The following NRXN1 variants were observed in gnomAD, a reference collection of about 807,000 sequenced individuals.
NRXN1 encodes neurexin-1.
A neutral mutation model predicts 150.9 loss-of-function variants in NRXN1; 39 were observed. The ratio of observed to expected loss-of-function variants is 0.26; its 90% CI spans 0.20 to 0.34. The LOEUF (loss-of-function observed/expected upper bound fraction) is 0.34, where lower values mean the gene tolerates loss of function less well. Among genes scored for constraint, NRXN1 ranks in the 10% least tolerant of loss-of-function variants. NRXN1 has a pLI of 1.00. For synonymous variants in NRXN1, 924 were observed against 757.0 expected (o/e 1.22, Z -3.62); for missense variants, 1,815 against 1,949.9 (o/e 0.93, Z 1.30).
chr2:50,872,437 T>C (rs576896592), intron 5 of NRXN1, among the ~76,000 whole-genome samples: 94 of 151,494 alleles, frequency 6.2e-4, no homozygotes, highest in Non-Finnish European at 1.1e-3. Context: ...GAGCGAGTAG[T>C]GATATTGGGT....
chr2:50,935,263 AAT>A (rs1297299586), intron 2 of NRXN1, among the ~76,000 whole-genome samples: 1 of 152,176 alleles, frequency 6.6e-6, no homozygotes, highest in Non-Finnish European at 1.5e-5. Context: ...GAGCAAATAA[AAT>A]AGTCAACATT....
chr2:50,607,368 G>T (rs574254291), intron 8 of NRXN1, among the ~76,000 whole-genome samples: 3 of 152,180 alleles, frequency 2.0e-5, no homozygotes, highest in South Asian at 2.1e-4. Context: ...GAGAGGTGCC[G>T]TACTTCATGG....
chr2:50,150,319 C>G (rs557620481), intron 18 of NRXN1, among the ~76,000 whole-genome samples: 2 of 151,890 alleles, frequency 1.3e-5, no homozygotes, highest in Admixed American at 6.6e-5. Flanking sequence ...CCAGCACTTG[C>G]AATGAACACT....
At chr2:50,716,602 A>C (rs2105085501) in intron 5 of NRXN1, among the ~76,000 whole-genome samples, 1 of 152,260 alleles carries the variant, frequency 6.6e-6, no homozygotes, top group East Asian at 1.9e-4. Flanking sequence ...TGATAATGAG[A>C]ACTTGTTGCA....
intron 2 of NRXN1, among the ~76,000 whole-genome samples, chr2:50,985,044 A>G (rs1264228203): frequency 6.6e-6 from 1 of 152,006 alleles, no homozygotes; most frequent in Non-Finnish European, 1.5e-5. Context: ...CAGAATATAT[A>G]CTTTTTAAGA....
intron 9 of NRXN1, among the ~76,000 whole-genome samples, chr2:50,551,630 T>A (rs552026890): frequency 4.6e-5 from 7 of 152,308 alleles, no homozygotes; most frequent in Middle Eastern, 6.8e-3. Context: ...CTAAATTTAG[T>A]TATCTTCTAT....
At chr2:50,829,786 T>C (rs1671133685) in intron 5 of NRXN1, 4 of 1,523,232 alleles carry the variant, frequency 2.6e-6, no homozygotes, top group Admixed American at 2.1e-5. Context: ...CTAATGTTTT[T>C]ATTTATGAAG....
chr2:50,984,948 T>C (rs948932720), intron 2 of NRXN1, among the ~76,000 whole-genome samples: 4 of 152,080 alleles, frequency 2.6e-5, no homozygotes, highest in African/African-American at 9.7e-5. Context: ...CAGTTAAATT[T>C]CACCAAATAG....
intron 5 of NRXN1, among the ~76,000 whole-genome samples, chr2:50,718,665 T>G (rs913018925): frequency 4.6e-5 from 7 of 152,186 alleles, no homozygotes; most frequent in African/African-American, 1.7e-4. Flanking sequence ...CTGCAGAGTT[T>G]CCAGCTCAAA....
At chr2:50,205,079 T>C (rs1574483462) in intron 18 of NRXN1, among the ~76,000 whole-genome samples, 1 of 152,026 alleles carries the variant, frequency 6.6e-6, no homozygotes, top group East Asian at 1.9e-4. Flanking sequence ...AAATTATGCT[T>C]AGAAAGGTTA....
chr2:50,608,047 T>G (rs962925260), intron 8 of NRXN1, among the ~76,000 whole-genome samples: 5 of 151,890 alleles, frequency 3.3e-5, no homozygotes, highest in African/African-American at 1.2e-4. Context: ...GAAGCCCACA[T>G]GGGTAAATGA....
chr2:51,000,977 G>C (rs984576703), intron 2 of NRXN1, among the ~76,000 whole-genome samples: 1 of 151,862 alleles, frequency 6.6e-6, no homozygotes, highest in South Asian at 2.1e-4. Flanking sequence ...TTTGAAAGTA[G>C]GGCATAAAGC....
chr2:50,387,436 G>T (rs780137304), intron 17 of NRXN1, among the ~76,000 whole-genome samples: 11 of 152,002 alleles, frequency 7.2e-5, no homozygotes, highest in Middle Eastern at 3.2e-3. Context: ...GTGCCCTCAG[G>T]CCCCAACTAC....
At chr2:50,077,156 A>C (rs1430887284) in intron 19 of NRXN1, among the ~76,000 whole-genome samples, 2 of 152,158 alleles carry the variant, frequency 1.3e-5, no homozygotes, top group Non-Finnish European at 2.9e-5. Flanking sequence ...TATGTAAAAT[A>C]ATTAGCATAT....
At chr2:50,617,342 A>T (rs1294209014) in intron 8 of NRXN1, among the ~76,000 whole-genome samples, 2 of 151,992 alleles carry the variant, frequency 1.3e-5, no homozygotes, top group Admixed American at 1.3e-4. Flanking sequence ...AAGCTAAGGC[A>T]GGAGAATTGC....
intron 17 of NRXN1, among the ~76,000 whole-genome samples, chr2:50,437,061 T>C (rs2085509335): frequency 6.6e-6 from 1 of 152,182 alleles, no homozygotes; most frequent in African/African-American, 2.4e-5. Context: ...TCTTTCATTT[T>C]CCAAATCCAT....
chr2:50,690,404 C>CT (rs1299799706), intron 5 of NRXN1, among the ~76,000 whole-genome samples: 1 of 152,136 alleles, frequency 6.6e-6, no homozygotes, highest in African/African-American at 2.4e-5. Flanking sequence ...TGATAGTCCT[C>CT]TTTATGTACA....
chr2:50,693,815 A>T (rs767262137), intron 5 of NRXN1, among the ~76,000 whole-genome samples: 2 of 152,188 alleles, frequency 1.3e-5, no homozygotes, highest in African/African-American at 2.4e-5. Context: ...TTTTAGAGGC[A>T]GAATCTCACT....
At chr2:50,993,835 G>A (rs1026498936) in intron 2 of NRXN1, among the ~76,000 whole-genome samples, 2 of 151,862 alleles carry the variant, frequency 1.3e-5, no homozygotes, top group Non-Finnish European at 2.9e-5. Context: ...CTATTCCTTG[G>A]TAAGAGGAAA....
Sources: allele counts gnomAD v4.1 joint callset (sites outside exome capture counted in the v4.1 genomes callset), GRCh38; gene constraint gnomAD v4.1.1; transcripts MANE v1.5; gene names NCBI Gene and HGNC (gene_info 2026-07-23, HGNC 2026-07-21).